SFI1: variants seen among roughly 807,000 people sequenced by gnomAD.
The protein encoded by SFI1 is protein SFI1 homolog.
SFI1 carries 195 observed loss-of-function variants against 207.5 expected under a neutral mutation model. That is an observed-to-expected ratio of 0.94 (90% CI 0.84 to 1.06). The LOEUF (loss-of-function observed/expected upper bound fraction) is 1.06, where lower values mean the gene tolerates loss of function less well. Among genes scored for constraint, SFI1 ranks in the 50% least tolerant of loss-of-function variants. The probability of loss-of-function intolerance (pLI) is 0.00; values close to 1 mark genes in which losing one functional copy is unlikely to be tolerated. For missense variants in SFI1, 1,634 were observed against 1,588.0 expected (o/e 1.03, Z -0.49); for synonymous variants, 630 against 598.9 (o/e 1.05, Z -0.76).
At position 31,616,777 on chromosome 22, in the gene SFI1, GC is replaced by G. The variant is rs35713163; in HGVS notation, c.3338del (p.Pro1113ArgfsTer74). 3 of 1,586,252 alleles carry G rather than the reference GC, an allele frequency of 1.9e-6. No homozygotes were observed. The highest frequency in any genetic ancestry group is 1.4e-5 in the African/African-American group (1 of 73,798). On this transcript the variant is annotated frameshift_variant, in exon 30 of 33. Coordinates refer to ENST00000400288, the MANE Select transcript of SFI1 (RefSeq NM_001007467.3). LOFTEE classifies it high-confidence loss of function. ...SAQRATPRDKPPVPSSLASVP... is the reference protein window; with the variant it reads ...SAQRATPRDKXPVPSSLASVP... ...CACAGCGGGCTACTCCTAGGGATAA[GC>G]CCCCGGTCCCCTCATCCCTGGCCAG...
At chr22:31,513,641 G>A (rs1033319925) in intron 2 of SFI1, among the ~76,000 whole-genome samples, 19 of 151,620 alleles carry the variant, frequency 1.3e-4, no homozygotes, top group African/African-American at 1.9e-4. Context: ...GCAGTGGTGC[G>A]ATCTCAGCTC....
chr22:31,616,341 A>T lies in SFI1; in HGVS notation c.3301-404A>T, dbSNP rs182811571. 4.1e-3 allele frequency: 693 copies of T among 170,694 alleles called. 2 individuals carry two copies. Among genetic ancestry groups the T allele is most frequent in the African/African-American group, 0.014 (584 of 42,186 alleles). 10.6% of individuals were successfully genotyped at this position (170,694 alleles called of 1,614,324 possible). On this transcript the variant is annotated intron_variant, in intron 29 of 32. Transcript: ENST00000400288. ...GGGGCAAGTCCACTCTCACCAGGAG[A>T]GGAGGGCATGGAAAAGGCTGTAGAG...
At chr22:31,570,962 C>A (rs144303111) in intron 8 of SFI1, among the ~76,000 whole-genome samples, 1 of 152,234 alleles carries the variant, frequency 6.6e-6, no homozygotes, top group Non-Finnish European at 1.5e-5. Context: ...TTGGATTGAG[C>A]GATGTGGAGA....
intron 2 of SFI1, among the ~76,000 whole-genome samples, chr22:31,526,648 T>C (rs950164944): frequency 2.6e-5 from 4 of 151,478 alleles, no homozygotes; most frequent in African/African-American, 9.7e-5. Context: ...CTCTGCCCCC[T>C]GGGTTCAAGT....
intron 3 of SFI1, among the ~76,000 whole-genome samples, chr22:31,529,859 A>G (rs2058293989): frequency 6.6e-6 from 1 of 152,092 alleles, no homozygotes; most frequent in African/African-American, 2.4e-5. Context: ...GTTGAGCTCA[A>G]GGTTTAACTC....
Position 31,582,202 on chromosome 22 carries a change from CATTTTATATATATATA to C in SFI1, c.1249-1672_1249-1657del, listed in dbSNP as rs1210190260. Among the ~76,000 whole-genome samples the C allele has an allele frequency of 2.3e-3, 99 of 42,458 alleles. 7 individuals are homozygous for C. Among genetic ancestry groups the C allele is most frequent in the South Asian group, 0.018 (15 of 836 alleles). The allele number at this position is 42,458 out of a possible 152,430, so 27.9% of individuals were successfully genotyped here. On this transcript the variant is annotated intron_variant, in intron 12 of 32. Coordinates refer to ENST00000400288, the MANE Select transcript of SFI1 (RefSeq NM_001007467.3). ...TTCCCCCAACAACACTTCTTTATTACATTTTATATATATATATATATATATATATATATATTTTTTT... is the reference window on the plus strand; with the variant it reads ...TTCCCCCAACAACACTTCTTTATTACTATATATATATATATATATTTTTTT...
At chr22:31,511,810 G>A (rs1302614115) in intron 2 of SFI1, among the ~76,000 whole-genome samples, 4 of 151,836 alleles carry the variant, frequency 2.6e-5, no homozygotes, top group South Asian at 2.1e-4. Flanking sequence ...ATGCCACCAC[G>A]CCCAGGTAAT....
chr22:31,528,829 A>G lies in SFI1; in HGVS notation c.232A>G (p.Thr78Ala). 6.2e-7 allele frequency: 1 copy of G among 1,614,026 alleles called. No homozygotes were observed. The highest frequency in any genetic ancestry group is 1.1e-5 in the South Asian group (1 of 91,082). Residue 78 changes from threonine to alanine, a missense_variant, in exon 3 of 33, where the codon ACC becomes GCC. Coordinates refer to ENST00000400288, the MANE Select transcript of SFI1 (RefSeq NM_001007467.3). ...GCAGTATCGTGGCACACATACTTGT[A>G]CCCGACAGGGCCGGTTAAGAGAACT... is the stretch of plus-strand genomic sequence containing the variant. ...LVQYRGTHTCTRQGRLRELRI... is the reference protein window; with the variant it reads ...LVQYRGTHTCARQGRLRELRI...
intron 12 of SFI1, 90 bp from the exon 13 acceptor site, chr22:31,583,784 CT>C: frequency 8.8e-7 from 1 of 1,136,200 alleles, no homozygotes; most frequent in Non-Finnish European, 1.3e-6. Context: ...GTCATTTCTG[CT>C]TTGGGGGAGC....
intron 22 of SFI1, among the ~76,000 whole-genome samples, chr22:31,609,402 G>A (rs1382475184): frequency 6.6e-6 from 1 of 152,184 alleles, no homozygotes; most frequent in Non-Finnish European, 1.5e-5. Flanking sequence ...ATGGGGAGCT[G>A]TCTCCTAACA....
chr22:31,556,803 C>A, intron 6 of SFI1, 139 bp from the exon 7 acceptor site: 1 of 535,204 alleles, frequency 1.9e-6, no homozygotes, highest in Non-Finnish European at 3.3e-6. Context: ...TTTTCTAGTG[C>A]TTCACAACTT....
chr22:31,524,898 G>A (rs934847775), intron 2 of SFI1, among the ~76,000 whole-genome samples: 6 of 151,936 alleles, frequency 3.9e-5, no homozygotes, highest in African/African-American at 9.7e-5. Flanking sequence ...AGGTTCAAGC[G>A]ATTCTCCTGC....
chr22:31,517,160 T>G (rs2056646278), intron 2 of SFI1, among the ~76,000 whole-genome samples: 1 of 151,968 alleles, frequency 6.6e-6, no homozygotes, highest in Non-Finnish European at 1.5e-5. Flanking sequence ...AAAATTTAAC[T>G]TAGTAAAATT....
At chr22:31,527,046 G>A (rs555500686) in intron 2 of SFI1, among the ~76,000 whole-genome samples, 3 of 151,974 alleles carry the variant, frequency 2.0e-5, no homozygotes, top group Admixed American at 6.6e-5. Context: ...ACAGGCACCC[G>A]CCACCACATC....
At chr22:31,559,282 G>A (rs2061449040) in intron 7 of SFI1, among the ~76,000 whole-genome samples, 1 of 152,000 alleles carries the variant, frequency 6.6e-6, no homozygotes, top group African/African-American at 2.4e-5. Flanking sequence ...AGTTAGCCTG[G>A]TTTGATGGTG....
At chr22:31,585,220 G>T in intron 14 of SFI1, 86 bp downstream of exon 14, 2 of 1,173,418 alleles carry the variant, frequency 1.7e-6, no homozygotes, top group Non-Finnish European at 2.5e-6. Context: ...AAAGACCTAT[G>T]CCAAGAAGTC....
intron 2 of SFI1, among the ~76,000 whole-genome samples, chr22:31,523,189 T>C (rs911676450): frequency 3.3e-5 from 5 of 152,224 alleles, no homozygotes; most frequent in Admixed American, 3.3e-4. Context: ...CTCATTGTAG[T>C]AATAGATAAT....
chr22:31,556,819 G>A (rs977419701), intron 6 of SFI1, 123 bp from the exon 7 acceptor site: 8 of 580,944 alleles, frequency 1.4e-5, no homozygotes, highest in Non-Finnish European at 2.1e-5. Context: ...AACTTTTCCA[G>A]CAGGGGTCAC....
chr22:31,533,015 A>G (rs2058668810), intron 4 of SFI1, among the ~76,000 whole-genome samples: 1 of 152,204 alleles, frequency 6.6e-6, no homozygotes, highest in African/African-American at 2.4e-5. Flanking sequence ...ACACGTGTAC[A>G]GAAAATAGAG....
Sources: allele counts gnomAD v4.1 joint callset (sites outside exome capture counted in the v4.1 genomes callset), GRCh38; gene constraint gnomAD v4.1.1; transcripts MANE v1.5; gene names NCBI Gene and HGNC (gene_info 2026-07-23, HGNC 2026-07-21).